HOOK2: variants seen among roughly 807,000 people sequenced by gnomAD.
The protein encoded by HOOK2 is protein Hook homolog 2.
A neutral mutation model predicts 111.9 loss-of-function variants in HOOK2; 108 were observed. That is an observed-to-expected ratio of 0.96 (90% CI 0.83 to 1.13). The LOEUF is 1.13. Ranked by LOEUF, HOOK2 falls within the 50% of genes most tolerant of loss-of-function variation. HOOK2 has a pLI of 0.00. For synonymous variants in HOOK2, 405 were observed against 394.3 expected (o/e 1.03, Z -0.32); for missense variants, 978 against 951.3 (o/e 1.03, Z -0.37).
rs529356282 is a variant in HOOK2, at chr19:12,764,207, G to T, written c.1828-429C>A. The stretch of plus-strand genomic sequence containing the variant: ...TTTTTCTATTTTTCGTAGAGACGGG[G>T]TTTCGCCATGTTGGCCAGGCTGCTC... On this transcript the variant is annotated intron_variant, in intron 20 of 22. Transcript: ENST00000397668. 5.3e-5 allele frequency: 9 copies of T among 169,458 alleles called. No homozygotes were observed. In the South Asian group the frequency reaches 8.0e-4, roughly 15 times the overall value. The allele number at this position is 169,458 out of a possible 1,614,324, so 10.5% of individuals were successfully genotyped here.
rs917452545 is a variant in HOOK2, at chr19:12,771,753, G to C, written c.520-276C>G. The C allele has an allele frequency of 1.1e-5, 5 of 465,074 alleles. No homozygotes were observed. In the East Asian group the frequency reaches 2.1e-4, roughly 19 times the overall value. The allele number at this position is 465,074 out of a possible 1,614,324, so 28.8% of individuals were successfully genotyped here. A position where few individuals can be genotyped will look rare whatever the true frequency, so the allele number is the denominator to read the frequency against. On this transcript the variant is annotated intron_variant, in intron 7 of 22. Transcript: ENST00000397668. ...AAAAATTAGCCGGGTGTGGTGGCGTGTGCCTGTAGTCCTGGCTACTCGGGA... is the reference window on the plus strand; with the variant it reads ...AAAAATTAGCCGGGTGTGGTGGCGTCTGCCTGTAGTCCTGGCTACTCGGGA...
intron 11 of HOOK2, among the ~76,000 whole-genome samples, chr19:12,768,551 G>A (rs1384463380): frequency 6.6e-6 from 1 of 152,150 alleles, no homozygotes; most frequent in Non-Finnish European, 1.5e-5. Context: ...TAAGTTTTCT[G>A]AGCATGTTTA....
At position 12,791,776 on chromosome 19, in the gene HOOK2, G is replaced by T; in HGVS notation, n.42-17551C>A. 6.2e-7 allele frequency: 1 copy of T among 1,606,704 alleles called. No homozygotes were observed. Among genetic ancestry groups the T allele is most frequent in the Non-Finnish European group, 8.5e-7 (1 of 1,175,240 alleles). ...CAGACCGCCTGGGCCGCCCGGATGT[G>T]CACTAAAATGGAACAGCCCTTCTAC... On this transcript the variant is annotated intron_variant and non_coding_transcript_variant, in intron 3 of 3. Coordinates refer to the HOOK2 transcript ENST00000589765. The surrounding 1 kb of genome is among the most constrained non-coding windows in gnomAD (Gnocchi z 7.0).
intron 10 of HOOK2, 65 bp from the exon 11 acceptor site, chr19:12,770,147 G>A: frequency 1.5e-6 from 2 of 1,354,140 alleles, no homozygotes; most frequent in Non-Finnish European, 1.9e-6. Flanking sequence ...GGGATGTGGA[G>A]TGGCCCTTGG....
At position 12,763,798 on chromosome 19, in the gene HOOK2, T is replaced by G. The variant is rs968569334; in HGVS notation, c.1828-20A>C. On this transcript the variant is annotated intron_variant, in intron 20 of 22. Coordinates refer to ENST00000397668, the MANE Select transcript of HOOK2 (RefSeq NM_013312.3). ...CATGACCTACAGGTTGAGGAAGTCA[T>G]AGCCAGGTGACTTTGGCCTTGAAAC... The G allele has an allele frequency of 6.3e-7, 1 of 1,597,592 alleles. No individual in the cohort carries two copies. Among genetic ancestry groups the G allele is most frequent in the African/African-American group, 1.3e-5 (1 of 74,644 alleles).
At chr19:12,771,881 C>CAAAAA (rs60718260) in intron 7 of HOOK2, 20 of 115,224 alleles carry the variant, frequency 1.7e-4, no homozygotes, top group Middle Eastern at 3.1e-3. Context: ...GACTCCATCT[C>CAAAAA]AAAAAAAAAA....
chr19:12,773,227 GTTTC>G (rs1340625330), intron 3 of HOOK2, 183 bp from the exon 4 acceptor site: 10 of 283,600 alleles, frequency 3.5e-5, no homozygotes, highest in East Asian at 1.7e-4. Context: ...GACCATCTTT[GTTTC>G]TTTTTTTTTT....
rs1968658670 is a variant in HOOK2 at position 12,786,563 on chromosome 19, C to G, written n.42-12338G>C. Among the ~76,000 whole-genome samples, 1 of 152,130 alleles carries G rather than the reference C, an allele frequency of 6.6e-6. No homozygotes were observed. Among genetic ancestry groups the G allele is most frequent in the South Asian group, 2.1e-4 (1 of 4,830 alleles). ...TGGAGCCCAGGGCCTGGGCAGTACC[C>G]AGCTGCCAGTCTGGACGCTCAGGCC... is the stretch of plus-strand genomic sequence containing the variant. On this transcript the variant is annotated intron_variant and non_coding_transcript_variant, in intron 3 of 3. Transcript: ENST00000589765. The surrounding 1 kb of genome is among the most constrained non-coding windows in gnomAD (Gnocchi z 4.3).
chr19:12,764,734 G>T, intron 20 of HOOK2, 80 bp downstream of exon 20: 1 of 1,174,488 alleles, frequency 8.5e-7, no homozygotes, highest in Non-Finnish European at 1.2e-6. Flanking sequence ...AGATGTGCAA[G>T]CAGGAGGTTT....
chr19:12,789,938 C>T (rs1269811741), intron 3 of HOOK2, among the ~76,000 whole-genome samples: 2 of 152,152 alleles, frequency 1.3e-5, no homozygotes, highest in East Asian at 3.9e-4. Context: ...GGTCCCACCT[C>T]TTCCTGTGCC....
intron 15 of HOOK2, 34 bp downstream of exon 15, chr19:12,766,069 C>T: frequency 6.2e-7 from 1 of 1,605,480 alleles, no homozygotes; most frequent in East Asian, 2.2e-5. Context: ...CCCCTCTGTC[C>T]CTGCTCCGCG....
intron 20 of HOOK2, 141 bp downstream of exon 20, chr19:12,764,673 A>C: frequency 1.4e-6 from 1 of 710,842 alleles, no homozygotes; most frequent in South Asian, 1.7e-5. Context: ...GTGGGGAATC[A>C]TGCAGAAGTC....
upstream of HOOK2, chr19:12,778,236 C>T (rs1186113276): frequency 6.6e-6 from 1 of 152,288 alleles, no homozygotes; most frequent in Non-Finnish European, 1.5e-5. Flanking sequence ...AGACCTTGCC[C>T]CGGAGCAGGG....
At chr19:12,766,482 C>G (rs754753786) in intron 14 of HOOK2, 1 of 482,522 alleles carries the variant, frequency 2.1e-6, no homozygotes, top group African/African-American at 2.0e-5. Context: ...AGAGTGGATT[C>G]GAACAGCTGG....
chr19:12,767,921 A>C lies in HOOK2; in HGVS notation c.1216-18T>G. 1 of 1,611,814 alleles carries C rather than the reference A, an allele frequency of 6.2e-7. No homozygotes were observed. The highest frequency in any genetic ancestry group is 8.5e-7 in the Non-Finnish European group (1 of 1,179,082). ...AACAGCCGCTGCAGGGACAGGGTAC[A>C]AGACACTCCACGGGTCAGGCTCGGC... On this transcript the variant is annotated intron_variant, in intron 12 of 22. Coordinates refer to ENST00000397668, the MANE Select transcript of HOOK2 (RefSeq NM_013312.3).
chr19:12,782,505 C>A (rs535997720), upstream of HOOK2, among the ~76,000 whole-genome samples: 11 of 152,368 alleles, frequency 7.2e-5, no homozygotes, highest in East Asian at 1.9e-3. Flanking sequence ...CCGTTCCCCT[C>A]CGGGAGGCGC....
chr19:12,766,321 G>A (rs960071658), intron 14 of HOOK2, 81 bp from the exon 15 acceptor site: 24 of 1,438,024 alleles, frequency 1.7e-5, no homozygotes, highest in Non-Finnish European at 2.2e-5. Flanking sequence ...GTGGAGCTAG[G>A]GGCGGGACAG....
upstream of HOOK2, among the ~76,000 whole-genome samples, chr19:12,780,705 A>G (rs561883085): frequency 8.5e-4 from 82 of 95,940 alleles, 1 homozygote; most frequent in African/African-American, 3.2e-3. Context: ...TCGGCCGGGC[A>G]CGGTGGCTCA....
chr19:12,776,330 A>G (rs1258586559), upstream of HOOK2, among the ~76,000 whole-genome samples: 1 of 151,500 alleles, frequency 6.6e-6, no homozygotes, highest in Admixed American at 6.6e-5. Flanking sequence ...GTATTTTGGG[A>G]GGCCTAGGAG....
Sources: gnomAD v4.1 joint callset for allele counts (sites outside exome capture counted in the v4.1 genomes callset) on GRCh38, gnomAD v4.1.1 for gene constraint, Gnocchi (gnomAD v3.1) non-coding constraint, MANE v1.5 for transcripts, NCBI Gene and HGNC (gene_info 2026-07-23, HGNC 2026-07-21) for gene names.